PLA2G6: variants seen among roughly 807,000 people sequenced by gnomAD.
The protein encoded by PLA2G6 is phospholipase A2 group VI, also known as 85/88 kDa calcium-independent phospholipase A2.
In PLA2G6, 62 loss-of-function variants were observed where a neutral mutation model predicts 83.8. The observed-to-expected ratio is 0.74, with a 90% CI of 0.60 to 0.91. PLA2G6 has a LOEUF of 0.91. Ranked by LOEUF, PLA2G6 falls within the 40% of genes least tolerant of loss-of-function variation. The pLI, the probability that PLA2G6 is intolerant of heterozygous loss-of-function variation, is 0.00. For synonymous variants in PLA2G6, 417 were observed against 449.8 expected (o/e 0.93, Z 0.92); for missense variants, 944 against 1,102.0 (o/e 0.86, Z 2.03).
At chr22:38,113,079 A>T (rs1315532988) in intron 15 of PLA2G6, among the ~76,000 whole-genome samples, 1 of 151,676 alleles carries the variant, frequency 6.6e-6, no homozygotes, top group African/African-American at 2.4e-5. Flanking sequence ...GCTAGTTTTT[A>T]ATTTTTTGGT....
chr22:38,117,350 G>A (rs948571966), intron 12 of PLA2G6, among the ~76,000 whole-genome samples: 3 of 152,108 alleles, frequency 2.0e-5, no homozygotes, highest in Non-Finnish European at 4.4e-5. Context: ...TGGGACTACA[G>A]GCGCCCGCCA....
chr22:38,155,812 G>T (rs763344705), intron 2 of PLA2G6, among the ~76,000 whole-genome samples: 35 of 152,176 alleles, frequency 2.3e-4, no homozygotes, highest in Non-Finnish European at 4.0e-4. Flanking sequence ...AGTGGCAGGA[G>T]TAAGTCCTTA....
At chr22:38,167,814 C>A in intron 2 of PLA2G6, 1 of 163,672 alleles carries the variant, frequency 6.1e-6, no homozygotes. Flanking sequence ...GCCCCTGGCC[C>A]CCAGCCTGAC....
chr22:38,143,283 G>A lies in PLA2G6; in HGVS notation c.431C>T (p.Ala144Val). The A allele has an allele frequency of 6.2e-7, 1 of 1,611,236 alleles. No individual in the cohort carries two copies. Among genetic ancestry groups the A allele is most frequent in the South Asian group, 1.1e-5 (1 of 91,082 alleles). The change falls in exon 4 of 17, where the codon GCC (alanine) becomes GTC (valine). Residue 144 changes from alanine to valine, a missense_variant. Physicochemically the swap from Ala to Val is moderately conservative, Grantham distance 64. Coordinates refer to ENST00000332509, the MANE Select transcript of PLA2G6 (RefSeq NM_003560.4). ...CFHHSRIISCANCAENEEGCT... is the reference protein window; with the variant it reads ...CFHHSRIISCVNCAENEEGCT... ...GCCCTCCTCGTTCTCCGCGCAATTG[G>A]CACAGCTGCAGGAGAGGGCCAGGGT...
At chr22:38,112,613 C>T in intron 15 of PLA2G6, 36 bp from the exon 16 acceptor site, 1 of 1,519,768 alleles carries the variant, frequency 6.6e-7, no homozygotes, top group Non-Finnish European at 8.9e-7. Flanking sequence ...GCCGGGCCCA[C>T]ACCCCGCCCG....
At chr22:38,158,243 C>G (rs1046330874) in intron 2 of PLA2G6, among the ~76,000 whole-genome samples, 1 of 148,110 alleles carries the variant, frequency 6.8e-6, no homozygotes. Context: ...AATCTCGGCT[C>G]ACTGCAACCT....
At chr22:38,172,195 G>C (rs2090462416) in intron 1 of PLA2G6, among the ~76,000 whole-genome samples, 1 of 152,108 alleles carries the variant, frequency 6.6e-6, no homozygotes, top group African/African-American at 2.4e-5. Flanking sequence ...CTATGAACTG[G>C]TTACTATTAT....
At chr22:38,122,004 T>C (rs539492249) in intron 11 of PLA2G6, among the ~76,000 whole-genome samples, 1 of 152,206 alleles carries the variant, frequency 6.6e-6, no homozygotes, top group South Asian at 2.1e-4. Context: ...GGAAATGAAA[T>C]ACCAGTCAAT....
chr22:38,127,194 C>T (rs1237302746), intron 9 of PLA2G6: 8 of 1,185,860 alleles, frequency 6.7e-6, no homozygotes, highest in Admixed American at 7.0e-5. Context: ...AAAGCAGAAC[C>T]GAGGGCTGCG....
intron 1 of PLA2G6, among the ~76,000 whole-genome samples, chr22:38,171,778 A>C (rs2090447091): frequency 6.6e-6 from 1 of 150,882 alleles, no homozygotes; most frequent in Non-Finnish European, 1.5e-5. Flanking sequence ...CCAAGATAGC[A>C]CCACCGCACT....
chr22:38,120,992 G>A (rs752382392), intron 11 of PLA2G6, 83 bp from the exon 12 acceptor site: 193 of 1,493,518 alleles, frequency 1.3e-4, no homozygotes, highest in Non-Finnish European at 1.7e-4. Context: ...GCGCCTGAAC[G>A]CAGGAGGTGG....
chr22:38,124,050 G>C (rs2087685818), intron 10 of PLA2G6, among the ~76,000 whole-genome samples: 1 of 152,068 alleles, frequency 6.6e-6, no homozygotes, highest in Admixed American at 6.6e-5. Flanking sequence ...GGCCAGGCTG[G>C]TCTTGAACTC....
rs2086890413 is a variant in PLA2G6 at position 38,111,950 on chromosome 22, C to G, written c.*211G>C. On this transcript the variant is annotated 3_prime_UTR_variant, in exon 17 of 17. Coordinates refer to ENST00000332509, the MANE Select transcript of PLA2G6 (RefSeq NM_003560.4). Reference sequence around the variant, plus strand: ...AAAGGGGGCTCTAGACTTTCCCAGCCTGGAATGACAGAAAGTGCTGGAAGG... The same window carrying G: ...AAAGGGGGCTCTAGACTTTCCCAGCGTGGAATGACAGAAAGTGCTGGAAGG... The G allele has an allele frequency of 4.4e-5, 27 of 618,052 alleles. No homozygotes were observed. The highest frequency in any genetic ancestry group is 4.3e-4 in the Middle Eastern group (1 of 2,348). 38.3% of individuals were successfully genotyped at this position (618,052 alleles called of 1,614,324 possible).
chr22:38,121,000 T>G (rs1602089193), intron 11 of PLA2G6, 91 bp from the exon 12 acceptor site: 1 of 1,497,754 alleles, frequency 6.7e-7, no homozygotes, highest in Admixed American at 1.7e-5. Context: ...ACGCAGGAGG[T>G]GGCAGGAGGA....
rs201208246 is a variant in PLA2G6 at position 38,112,285 on chromosome 22, G to A, written c.2297C>T (p.Thr766Met). 25 of 1,613,372 alleles carry A rather than the reference G, an allele frequency of 1.5e-5. No homozygotes were observed. Among genetic ancestry groups the A allele is most frequent in the Middle Eastern group, 1.6e-4 (1 of 6,066 alleles). The change falls in exon 17 of 17, where the codon ACG becomes ATG. Residue 766 changes from threonine to methionine, a missense_variant. Thr to Met is a moderately conservative substitution (Grantham distance 81, BLOSUM62 -1). Coordinates refer to ENST00000332509, the MANE Select transcript of PLA2G6 (RefSeq NM_003560.4). ...ACTGACCTCATCCAGCATGATGTCCGTCCCCAGCTGGGGGTTCAATCTGTT... is the reference window on the plus strand; with the variant it reads ...ACTGACCTCATCCAGCATGATGTCCATCCCCAGCTGGGGGTTCAATCTGTT... ...QYFRLNPQLG[T>M]DIMLDEVSDT... is the part of the protein sequence containing the mutation.
chr22:38,120,695 T>C, intron 12 of PLA2G6, 64 bp downstream of exon 12: 2 of 1,591,348 alleles, frequency 1.3e-6, no homozygotes, highest in South Asian at 2.2e-5. Context: ...GGGAGCCCTC[T>C]GTCCCCAGGG....
chr22:38,140,316 T>C, intron 4 of PLA2G6, 147 bp from the exon 5 acceptor site: 4 of 694,952 alleles, frequency 5.8e-6, no homozygotes, highest in Non-Finnish European at 1.0e-5. Flanking sequence ...GAGACCAGCC[T>C]GGCCAACATG....
Position 38,115,866 on chromosome 22 carries a change from A to T in PLA2G6, c.1880-185T>A. 3 of 1,476,966 alleles carry T rather than the reference A, an allele frequency of 2.0e-6. No individual in the cohort carries two copies. In the East Asian group the frequency reaches 7.4e-5, roughly 37 times the overall value. The allele number at this position is 1,476,966 out of a possible 1,614,324, so 91.5% of individuals were successfully genotyped here. On this transcript the variant is annotated intron_variant, in intron 13 of 16. Coordinates refer to ENST00000332509, the MANE Select transcript of PLA2G6 (RefSeq NM_003560.4). Reference sequence around the variant, plus strand: ...TAGTTCGTCCTGGTGGAAGGCAGGTACAGCTGAGGACTTTCCAGGGACTTT... The same window carrying T: ...TAGTTCGTCCTGGTGGAAGGCAGGTTCAGCTGAGGACTTTCCAGGGACTTT...
At chr22:38,116,008 C>T in intron 13 of PLA2G6, 67 bp downstream of exon 13, 1 of 1,582,500 alleles carries the variant, frequency 6.3e-7, no homozygotes, top group Non-Finnish European at 8.7e-7. Context: ...GTGCACGACT[C>T]CCACCCACCA....
Sources: gnomAD v4.1 joint callset for allele counts (sites outside exome capture counted in the v4.1 genomes callset) on GRCh38, gnomAD v4.1.1 for gene constraint, MANE v1.5 for transcripts, NCBI Gene and HGNC (gene_info 2026-07-23, HGNC 2026-07-21) for gene names.